Variants in ETV6 observed in about 807,000 individuals in gnomAD.
The protein encoded by ETV6 is ETS variant transcription factor 6.
Under a neutral mutation model 51.1 loss-of-function variants are expected in ETV6, and 16 were observed. The ratio of observed to expected loss-of-function variants is 0.31; its 90% CI spans 0.21 to 0.48. The LOEUF (loss-of-function observed/expected upper bound fraction) is 0.48. Ranked by LOEUF, ETV6 falls within the 20% of genes least tolerant of loss-of-function variation. The probability of loss-of-function intolerance (pLI) is 0.99; values close to 1 mark genes in which losing one functional copy is unlikely to be tolerated. For missense variants in ETV6, 458 were observed against 594.8 expected (o/e 0.77, Z 2.39); for synonymous variants, 240 against 224.1 (o/e 1.07, Z -0.64).
intron 2 of ETV6, among the ~76,000 whole-genome samples, chr12:11,825,174 A>C (rs1308394511): frequency 6.6e-6 from 1 of 152,234 alleles, no homozygotes; most frequent in Non-Finnish European, 1.5e-5. Flanking sequence ...CATCAATCAG[A>C]ATTAGAAAAA....
In ETV6 at chr12:11,887,100, A is replaced by G. The variant is rs552105149; in HGVS notation, c.1253+1074A>G. Among the ~76,000 whole-genome samples, 19 of 152,228 alleles carry G rather than the reference A, an allele frequency of 1.2e-4. No individual in the cohort carries two copies. In the South Asian group the frequency reaches 2.3e-3, roughly 18 times the overall value. On this transcript the variant is annotated intron_variant, in intron 7 of 7. Coordinates refer to ENST00000396373, the MANE Select transcript of ETV6 (RefSeq NM_001987.5). Reference sequence around the variant, plus strand: ...AATAGTAAAAGCAATTAAGATCTTCAAAAGAAACGGGAAAGGCTCTTCAGG... The same window carrying G: ...AATAGTAAAAGCAATTAAGATCTTCGAAAGAAACGGGAAAGGCTCTTCAGG...
At chr12:11,890,822 CA>C in intron 7 of ETV6, 118 bp from the exon 8 acceptor site, 1 of 784,274 alleles carries the variant, frequency 1.3e-6, no homozygotes, top group African/African-American at 1.7e-5. Context: ...TCTCGGGGTT[CA>C]GTAGCTCTCC....
intron 1 of ETV6, among the ~76,000 whole-genome samples, chr12:11,673,652 G>A (rs138806889): frequency 3.0e-4 from 46 of 152,320 alleles, no homozygotes; most frequent in African/African-American, 1.1e-3. Context: ...CCCTCCGAAT[G>A]TCATCTTTGT....
chr12:11,823,104 C>T (rs998594433), intron 2 of ETV6, among the ~76,000 whole-genome samples: 5 of 152,154 alleles, frequency 3.3e-5, no homozygotes, highest in African/African-American at 4.8e-5. Flanking sequence ...CAAGACCAAC[C>T]GCACCTGTAG....
chr12:11,655,948 T>A (rs747310766), intron 1 of ETV6, among the ~76,000 whole-genome samples: 2 of 152,250 alleles, frequency 1.3e-5, no homozygotes, highest in Non-Finnish European at 2.9e-5. Context: ...GCTGTTTTAG[T>A]GGCCGTTGTT....
intron 1 of ETV6, among the ~76,000 whole-genome samples, chr12:11,719,149 G>A (rs1266264566): frequency 6.6e-6 from 1 of 152,226 alleles, no homozygotes; most frequent in African/African-American, 2.4e-5. Flanking sequence ...GCTGGGGAGA[G>A]GGAAACTGAA....
In ETV6 at chr12:11,890,924, C is replaced by T; in HGVS notation, c.1254-17C>T. 6.3e-7 allele frequency: 1 copy of T among 1,597,802 alleles called. No individual in the cohort carries two copies. The highest frequency in any genetic ancestry group is 1.1e-5 in the South Asian group (1 of 90,708). ...GGAAAATGGAATCTCTTACCTCCTC[C>T]ACTTCTTCTTCCAAAGGTTTATGAA... On this transcript the variant is annotated splice_polypyrimidine_tract_variant and intron_variant, in intron 7 of 7. Coordinates refer to ENST00000396373, the MANE Select transcript of ETV6 (RefSeq NM_001987.5).
Position 11,853,427 on chromosome 12 carries a change from G to A in ETV6, c.329G>A (p.Gly110Asp). The A allele has an allele frequency of 6.2e-7, 1 of 1,613,854 alleles. No individual in the cohort carries two copies. The highest frequency in any genetic ancestry group is 8.5e-7 in the Non-Finnish European group (1 of 1,179,958). Reference protein sequence around the residue: ...EDFRYRSPHSGDVLYELLQHI... With the variant: ...EDFRYRSPHSDDVLYELLQHI... ...ATTTCCCTTTCCTTTTTCTTTCCAG[G>A]TGATGTGCTCTATGAACTCCTTCAG... Residue 110 changes from glycine (G) to aspartate (D), a missense_variant and splice_region_variant, in exon 4 of 8, where the codon GGT (glycine) becomes GAT (aspartate). Gly to Asp is a moderately conservative substitution (Grantham distance 94, BLOSUM62 -1). Coordinates refer to ENST00000396373, the MANE Select transcript of ETV6 (RefSeq NM_001987.5).
chr12:11,849,156 G>C (rs1185939790), intron 3 of ETV6, among the ~76,000 whole-genome samples: 1 of 152,206 alleles, frequency 6.6e-6, no homozygotes, highest in African/African-American at 2.4e-5. Context: ...TCTCATGCAG[G>C]CTGGAGTGCA....
chr12:11,753,657 A>G (rs972428569), intron 2 of ETV6, among the ~76,000 whole-genome samples: 1 of 152,202 alleles, frequency 6.6e-6, no homozygotes, highest in Non-Finnish European at 1.5e-5. Flanking sequence ...CAGAGGATGC[A>G]GGTTCTTCCT....
chr12:11,850,549 G>C (rs951902377), intron 3 of ETV6, among the ~76,000 whole-genome samples: 1 of 152,038 alleles, frequency 6.6e-6, no homozygotes, highest in African/African-American at 2.4e-5. Flanking sequence ...GAGTGTTTGT[G>C]GTGGTGGTGG....
intron 1 of ETV6, among the ~76,000 whole-genome samples, chr12:11,673,901 T>C (rs1279739161): frequency 3.3e-5 from 5 of 152,304 alleles, no homozygotes; most frequent in Non-Finnish European, 7.4e-5. Flanking sequence ...TGGAGTTGAC[T>C]AACAAAACTC....
intron 2 of ETV6, among the ~76,000 whole-genome samples, chr12:11,821,234 T>C (rs1370451484): frequency 6.6e-6 from 1 of 151,224 alleles, no homozygotes; most frequent in Non-Finnish European, 1.5e-5. Context: ...GGTGTGGTGG[T>C]GGGCACCTGT....
intron 1 of ETV6, among the ~76,000 whole-genome samples, chr12:11,700,527 A>G (rs1224667927): frequency 7.2e-5 from 11 of 152,324 alleles, no homozygotes; most frequent in African/African-American, 2.6e-4. Flanking sequence ...CAAAAACATA[A>G]CTACTAATAG....
intron 1 of ETV6, among the ~76,000 whole-genome samples, chr12:11,708,798 C>T (rs1372907640): frequency 6.6e-6 from 1 of 152,202 alleles, no homozygotes; most frequent in Non-Finnish European, 1.5e-5. Context: ...ACTCATCTTG[C>T]TTTTCAGCCA....
chr12:11,820,559 G>T (rs747171312), intron 2 of ETV6, among the ~76,000 whole-genome samples: 30 of 152,284 alleles, frequency 2.0e-4, no homozygotes, highest in Admixed American at 1.5e-3. Context: ...GGATGTCTAG[G>T]AGAAGAATAT....
intron 1 of ETV6, among the ~76,000 whole-genome samples, chr12:11,748,458 G>C (rs1865947745): frequency 1.3e-5 from 2 of 152,120 alleles, no homozygotes; most frequent in Admixed American, 6.5e-5. Context: ...TTTATTTCCA[G>C]AATGTTAATA....
intron 2 of ETV6, among the ~76,000 whole-genome samples, chr12:11,775,625 C>T (rs1945311389): frequency 6.6e-6 from 1 of 152,174 alleles, no homozygotes; most frequent in Admixed American, 6.5e-5. Context: ...CCACCTACCC[C>T]ACCAGATGTG....
chr12:11,687,497 T>G (rs1409735553), intron 1 of ETV6, among the ~76,000 whole-genome samples: 2 of 152,120 alleles, frequency 1.3e-5, no homozygotes, highest in Non-Finnish European at 1.5e-5. Context: ...CCTTTTTTTC[T>G]TAATAAGAAA....
Sources: allele counts gnomAD v4.1 joint callset (sites outside exome capture counted in the v4.1 genomes callset), GRCh38; gene constraint gnomAD v4.1.1; transcripts MANE v1.5; gene names NCBI Gene and HGNC (gene_info 2026-07-23, HGNC 2026-07-21).